SLC16A12: variants seen among roughly 807,000 people sequenced by gnomAD.
SLC16A12 encodes monocarboxylate transporter 12.
SLC16A12 carries 17 observed loss-of-function variants against 42.4 expected under a neutral mutation model. That is an observed-to-expected ratio of 0.40 (90% CI 0.27 to 0.60). SLC16A12 has a LOEUF of 0.60. Ranked by LOEUF, SLC16A12 falls within the 20% of genes least tolerant of loss-of-function variation. The pLI is 0.42. For synonymous variants in SLC16A12, 224 were observed against 229.4 expected (o/e 0.98, Z 0.21); for missense variants, 544 against 623.0 (o/e 0.87, Z 1.35).
chr10:89,454,868 T>C (rs891241729), intron 3 of SLC16A12, among the ~76,000 whole-genome samples: 7 of 152,172 alleles, frequency 4.6e-5, no homozygotes, highest in Non-Finnish European at 8.8e-5. Flanking sequence ...GAAAAGACCA[T>C]GTCTGTCTTA....
chr10:89,548,675 G>T (rs1302421486), intron 2 of SLC16A12, among the ~76,000 whole-genome samples: 1 of 152,076 alleles, frequency 6.6e-6, no homozygotes, highest in Non-Finnish European at 1.5e-5. Context: ...AATTAGCCGG[G>T]TGCAGTGCCA....
chr10:89,544,111 G>A (rs532697007), intron 2 of SLC16A12, among the ~76,000 whole-genome samples: 1 of 152,292 alleles, frequency 6.6e-6, no homozygotes, highest in East Asian at 1.9e-4. Flanking sequence ...TATTTCTGAA[G>A]CATCTACTAT....
intron 4 of SLC16A12, among the ~76,000 whole-genome samples, chr10:89,441,701 G>A (rs537135060): frequency 2.0e-5 from 3 of 152,284 alleles, no homozygotes; most frequent in African/African-American, 7.2e-5. Context: ...ACCAGGGAGA[G>A]AGATCATAGA....
At chr10:89,435,700 GC>G (rs995290683) in intron 7 of SLC16A12, among the ~76,000 whole-genome samples, 75 of 152,142 alleles carry the variant, frequency 4.9e-4, no homozygotes, top group Admixed American at 3.9e-4. Context: ...ATCACCCACT[GC>G]CCCCTGTTGG....
At chr10:89,542,618 AAT>A (rs1229366199) in intron 2 of SLC16A12, among the ~76,000 whole-genome samples, 1 of 151,940 alleles carries the variant, frequency 6.6e-6, no homozygotes, top group African/African-American at 2.4e-5. Flanking sequence ...ATATTTTCTT[AAT>A]AGTTTTATCT....
intron 2 of SLC16A12, among the ~76,000 whole-genome samples, chr10:89,486,655 GAAAGAAA>G (rs1842756098): frequency 2.1e-5 from 1 of 48,708 alleles, no homozygotes; most frequent in Non-Finnish European, 4.2e-5. Context: ...AAGAAAGAAA[GAAAGAAA>G]GAAAAGAAAG....
intron 2 of SLC16A12, among the ~76,000 whole-genome samples, chr10:89,503,691 A>G (rs1181000074): frequency 6.6e-6 from 1 of 152,176 alleles, no homozygotes; most frequent in Non-Finnish European, 1.5e-5. Context: ...GTCGCTGGAG[A>G]AGGCAAGTCC....
At chr10:89,500,175 G>A (rs1842973782) in intron 2 of SLC16A12, among the ~76,000 whole-genome samples, 1 of 152,174 alleles carries the variant, frequency 6.6e-6, no homozygotes, top group Admixed American at 6.5e-5. Flanking sequence ...AAAAGTCCAG[G>A]ACCAGAGGGA....
In SLC16A12 at chr10:89,486,664, A is replaced by AAAGAAAGG. The variant is rs1564585989; in HGVS notation, c.-46-24041_-46-24040insCCTTTCTT. ...GAAAGAAAGAAAGAAAGAAAGAAAG[A>AAAGAAAGG]AAAGAAAGAAAGAAAGAAAAGAAAG... On this transcript the variant is annotated intron_variant, in intron 2 of 7. Coordinates refer to ENST00000371790, the MANE Select transcript of SLC16A12 (RefSeq NM_213606.4). Among the ~76,000 whole-genome samples the AAAGAAAGG allele has an allele frequency of 4.7e-3, 444 of 94,070 alleles. 13 individuals carry two copies. Among genetic ancestry groups the AAAGAAAGG allele is most frequent in the Non-Finnish European group, 7.0e-3 (316 of 45,230 alleles). The allele number at this position is 94,070 out of a possible 152,430, so 61.7% of individuals were successfully genotyped here.
In SLC16A12 at chr10:89,436,349, A is replaced by G. The variant is rs1271939143; in HGVS notation, c.1029-30T>C. On this transcript the variant is annotated intron_variant, in intron 6 of 7. Transcript: ENST00000371790. The stretch of plus-strand genomic sequence containing the variant: ...AGATTTGAAGAACAAGAATAAGTGC[A>G]GGAGGTACACATTCTGTAAAAGAGC... 2.5e-6 allele frequency: 4 copies of G among 1,613,686 alleles called. No individual in the cohort carries two copies. The Admixed American group carries it at 6.7e-5, about 27-fold the overall frequency.
At chr10:89,481,600 T>A (rs7907662) in intron 2 of SLC16A12, among the ~76,000 whole-genome samples, 3,778 of 152,026 alleles carry the variant, frequency 0.025, 105 homozygotes, top group African/African-American at 0.052. Context: ...ATGACTATTT[T>A]TTTAAGGTTG....
At chr10:89,492,931 C>T (rs1842867572) in intron 2 of SLC16A12, among the ~76,000 whole-genome samples, 1 of 152,026 alleles carries the variant, frequency 6.6e-6, no homozygotes, top group South Asian at 2.1e-4. Context: ...CAATCAGAGG[C>T]ATGACTCATT....
intron 2 of SLC16A12, among the ~76,000 whole-genome samples, chr10:89,484,885 G>A (rs148941309): frequency 1.6e-3 from 245 of 152,310 alleles, no homozygotes; most frequent in African/African-American, 5.4e-3. Context: ...AGCCACGTTT[G>A]TGCTACCTGT....
chr10:89,482,236 C>CAAAAAAA (rs368466973), intron 2 of SLC16A12, among the ~76,000 whole-genome samples: 1 of 106,520 alleles, frequency 9.4e-6, no homozygotes, highest in Non-Finnish European at 1.9e-5. Flanking sequence ...AAGAATACAC[C>CAAAAAAA]AAAAAAAAAA....
At chr10:89,486,426 C>A (rs536767951) in intron 2 of SLC16A12, among the ~76,000 whole-genome samples, 12 of 150,768 alleles carry the variant, frequency 8.0e-5, no homozygotes, top group African/African-American at 2.4e-4. Context: ...ACCTTCTCTA[C>A]GAAATATAGA....
At chr10:89,459,526 GTGTGTGTGTGTA>G (rs769467891) in intron 3 of SLC16A12, among the ~76,000 whole-genome samples, 3 of 151,712 alleles carry the variant, frequency 2.0e-5, no homozygotes, top group African/African-American at 2.4e-5. Flanking sequence ...ATGTGTGTGT[GTGTGTGTGTGTA>G]TGTGTGTGTG....
intron 2 of SLC16A12, among the ~76,000 whole-genome samples, chr10:89,470,111 T>C (rs113629862): frequency 0.011 from 1,701 of 152,280 alleles, 50 homozygotes; most frequent in Middle Eastern, 0.017. Flanking sequence ...AAGAAGCCTA[T>C]TGCTGTAGGG....
chr10:89,487,417 A>G (rs977967807), intron 2 of SLC16A12, among the ~76,000 whole-genome samples: 2 of 152,140 alleles, frequency 1.3e-5, no homozygotes, highest in Admixed American at 1.3e-4. Flanking sequence ...TAAAACCTCT[A>G]TGGAAAACAG....
intron 2 of SLC16A12, among the ~76,000 whole-genome samples, chr10:89,492,834 A>C (rs918641489): frequency 6.6e-6 from 1 of 152,020 alleles, no homozygotes; most frequent in Non-Finnish European, 1.5e-5. Context: ...CCCAACATCT[A>C]TGCCCTTTCC....
Sources: gnomAD v4.1 joint callset for allele counts (sites outside exome capture counted in the v4.1 genomes callset) on GRCh38, gnomAD v4.1.1 for gene constraint, MANE v1.5 for transcripts, NCBI Gene and HGNC (gene_info 2026-07-23, HGNC 2026-07-21) for gene names.